Variants in LOC131768270 observed in about 807,000 individuals in gnomAD.
the LOC131768270 span, chr5:140,564,877 G>A: frequency 2.0e-5 from 8 of 405,846 alleles, no homozygotes; most frequent in Admixed American, 2.6e-4. The surrounding 1 kb of genome is among the most constrained non-coding windows in gnomAD (Gnocchi z 5.0). Context: ...CCGTGGGGGT[G>A]ATCTGCAGCC....
chr5:140,568,222 C>T, the LOC131768270 span: 2 of 1,605,206 alleles, frequency 1.2e-6, no homozygotes, highest in South Asian at 1.1e-5. Flanking sequence ...GGCCTTCCTC[C>T]CTCTCCCATC....
the LOC131768270 span, chr5:140,564,856 A>G: frequency 2.5e-6 from 1 of 404,820 alleles, no homozygotes; most frequent in Non-Finnish European, 4.4e-6. This position sits in a 1 kb window ranked among gnomAD's most constrained non-coding sequence, Gnocchi z 5.0. Flanking sequence ...GGCGGATGAC[A>G]AGGTGAGTGG....
chr5:140,566,204 T>G, the LOC131768270 span, among the ~76,000 whole-genome samples: 1 of 151,988 alleles, frequency 6.6e-6, no homozygotes, highest in African/African-American at 2.4e-5. Flanking sequence ...GTAAAGGCCT[T>G]GTGGTAGGAA....
chr5:140,566,084 C>T, the LOC131768270 span: 1 of 396,652 alleles, frequency 2.5e-6, no homozygotes, highest in African/African-American at 2.1e-5. Flanking sequence ...AGGGCCTATT[C>T]TCAGTCACCC....
the LOC131768270 span, chr5:140,568,250 T>G: frequency 3.8e-6 from 6 of 1,560,544 alleles, no homozygotes; most frequent in East Asian, 1.4e-4. Flanking sequence ...CTGTAACAAG[T>G]GCCTTGTGAG....
chr5:140,568,456 C>A, the LOC131768270 span: 4 of 416,016 alleles, frequency 9.6e-6, no homozygotes, highest in East Asian at 2.2e-4. Flanking sequence ...CCTTGTTGGG[C>A]AGCTCCCTGC....
the LOC131768270 span, chr5:140,568,579 A>G: frequency 2.4e-5 from 6 of 245,974 alleles, no homozygotes; most frequent in Non-Finnish European, 5.2e-5. Context: ...CAGCCCAGCC[A>G]TGGTGCATGA....
chr5:140,567,913 T>G, the LOC131768270 span: 1 of 1,614,056 alleles, frequency 6.2e-7, no homozygotes, highest in Non-Finnish European at 8.5e-7. Flanking sequence ...TCCTGGAAGG[T>G]TTCTCAGGAT....
chr5:140,566,300 C>A, the LOC131768270 span, among the ~76,000 whole-genome samples: 1 of 152,030 alleles, frequency 6.6e-6, no homozygotes, highest in Non-Finnish European at 1.5e-5. Flanking sequence ...CTGGAGAAAC[C>A]GGCAGGGCTA....
the LOC131768270 span, chr5:140,566,705 C>G: frequency 1.7e-6 from 1 of 576,064 alleles, no homozygotes; most frequent in Non-Finnish European, 3.1e-6. Flanking sequence ...ATGCTGTGCC[C>G]AACGTGGAGA....
chr5:140,567,708 T>C, the LOC131768270 span: 1 of 1,614,140 alleles, frequency 6.2e-7, no homozygotes, highest in Non-Finnish European at 8.5e-7. Context: ...GCCAGCCCCA[T>C]GCCCCTGCAT....
chr5:140,568,327 G>C, the LOC131768270 span: 1 of 929,058 alleles, frequency 1.1e-6, no homozygotes, highest in Non-Finnish European at 1.6e-6. Context: ...GGTACCCCTA[G>C]GAGATGTGAA....
At chr5:140,565,875 T>C in the LOC131768270 span, 1 of 398,886 alleles carries the variant, frequency 2.5e-6, no homozygotes, top group East Asian at 3.6e-5. Flanking sequence ...TGTCCTAGGA[T>C]TCTCTGCCTA....
the LOC131768270 span, chr5:140,565,052 G>A: frequency 3.5e-5 from 14 of 397,644 alleles, no homozygotes; most frequent in African/African-American, 2.5e-4. Flanking sequence ...AGGAGCCGTG[G>A]ATCCCCCAGA....
chr5:140,566,865 C>T, the LOC131768270 span: 5 of 608,614 alleles, frequency 8.2e-6, no homozygotes, highest in Non-Finnish European at 1.5e-5. Context: ...TCCAACTTTC[C>T]TGCCACCTTC....
At chr5:140,567,030 G>C in the LOC131768270 span, 1 of 1,340,106 alleles carries the variant, frequency 7.5e-7, no homozygotes, top group Non-Finnish European at 1.1e-6. Context: ...TGTGGAGTTG[G>C]TAGATGCCTC....
the LOC131768270 span, chr5:140,567,280 G>A: frequency 6.2e-7 from 1 of 1,614,156 alleles, no homozygotes; most frequent in Non-Finnish European, 8.5e-7. Context: ...CCCCATTGCT[G>A]GCACTGTGCC....
the LOC131768270 span, chr5:140,566,635 C>T: frequency 2.2e-6 from 1 of 451,156 alleles, no homozygotes. Flanking sequence ...AAACTGAGGG[C>T]ATCAGCAGTA....
At chr5:140,565,955 A>T in the LOC131768270 span, 1 of 398,880 alleles carries the variant, frequency 2.5e-6, no homozygotes, top group Admixed American at 4.4e-5. Flanking sequence ...GACGAAGTCA[A>T]CAGTGGAGTG....
Sources: gnomAD v4.1 joint callset for allele counts (sites outside exome capture counted in the v4.1 genomes callset) on GRCh38, gnomAD v4.1.1 for gene constraint, Gnocchi (gnomAD v3.1) non-coding constraint, MANE v1.5 for transcripts.